Variants in CHCHD3 observed in about 807,000 individuals in gnomAD.
CHCHD3 encodes MICOS complex subunit MIC19.
In CHCHD3, 20 loss-of-function variants were observed where a neutral mutation model predicts 38.2. The observed-to-expected ratio is 0.52, with a 90% CI of 0.37 to 0.76. The LOEUF (loss-of-function observed/expected upper bound fraction) is 0.76. Among genes scored for constraint, CHCHD3 ranks in the 30% least tolerant of loss-of-function variants. The probability of loss-of-function intolerance (pLI) is 0.00; values close to 1 mark genes in which losing one functional copy is unlikely to be tolerated. For missense variants in CHCHD3, 245 were observed against 279.2 expected (o/e 0.88, Z 0.87); for synonymous variants, 82 against 100.0 (o/e 0.82, Z 1.07).
At chr7:132,981,419 T>C (rs895276943) in intron 3 of CHCHD3, among the ~76,000 whole-genome samples, 3 of 152,226 alleles carry the variant, frequency 2.0e-5, no homozygotes, top group African/African-American at 4.8e-5. Flanking sequence ...GAGTAAACTT[T>C]CCTATAGGAA....
intron 4 of CHCHD3, among the ~76,000 whole-genome samples, chr7:132,899,065 G>A (rs1208662310): frequency 6.6e-6 from 1 of 152,234 alleles, no homozygotes; most frequent in East Asian, 1.9e-4. Flanking sequence ...CAGTGCAGCG[G>A]TGGGCTGAAG....
rs1252863629 is a variant in CHCHD3 at position 133,081,852 on chromosome 7, C to G, written c.81+5G>C. On this transcript the variant is annotated splice_donor_5th_base_variant and intron_variant, in intron 1 of 7. Coordinates refer to ENST00000262570, the MANE Select transcript of CHCHD3 (RefSeq NM_017812.4). ...CTGGCCCTCCGCCCGTCCACGGGCA[C>G]TCACCCGGATGCCCTTCACCACGGT... 1 of 1,552,870 alleles carries G rather than the reference C, an allele frequency of 6.4e-7. No homozygotes were observed. The highest frequency in any genetic ancestry group is 1.4e-5 in the African/African-American group (1 of 73,258).
intron 5 of CHCHD3, chr7:132,845,150 T>C (rs182965391): frequency 8.1e-4 from 123 of 152,340 alleles, no homozygotes; most frequent in African/African-American, 2.8e-3. Context: ...CTGAGTAAGT[T>C]ACTTAACCTC....
chr7:132,796,630 A>G, intron 6 of CHCHD3, 53 bp from the exon 7 acceptor site: 1 of 1,547,164 alleles, frequency 6.5e-7, no homozygotes, highest in South Asian at 1.2e-5. Flanking sequence ...TCAGAATAAA[A>G]ATCAAGGTTA....
chr7:133,035,713 A>C lies in CHCHD3; in HGVS notation c.170-11086T>G. On this transcript the variant is annotated intron_variant, in intron 2 of 7. Transcript: ENST00000262570. This position sits in a 1 kb window ranked among gnomAD's most constrained non-coding sequence, Gnocchi z 4.7. ...TAGTAGGCAATGGCGTTGCTCTCAAACACACAGAATCCATCATCACCCTCA... is the reference window on the plus strand; with the variant it reads ...TAGTAGGCAATGGCGTTGCTCTCAACCACACAGAATCCATCATCACCCTCA... 1.9e-6 allele frequency: 3 copies of C among 1,613,406 alleles called. No homozygotes were observed. The highest frequency in any genetic ancestry group is 2.5e-6 in the Non-Finnish European group (3 of 1,179,434).
chr7:132,855,019 G>A lies in CHCHD3; in HGVS notation c.454-16550C>T, dbSNP rs374763687. On this transcript the variant is annotated intron_variant, in intron 5 of 7. Transcript: ENST00000262570. ...TTTTATGATAAAAACCAGCCAAGAA[G>A]GAAGTAAAGTTAGGGGCCACTATCT... 5.9e-5 allele frequency among the ~76,000 whole-genome samples: 9 copies of A among 152,168 alleles called. No homozygotes were observed. The East Asian group carries it at 1.3e-3, about 23-fold the overall frequency.
In CHCHD3 at chr7:132,818,415, C is replaced by T. The variant is rs577755292; in HGVS notation, c.524+19984G>A. On this transcript the variant is annotated intron_variant, in intron 6 of 7. Coordinates refer to ENST00000262570, the MANE Select transcript of CHCHD3 (RefSeq NM_017812.4). The stretch of plus-strand genomic sequence containing the variant: ...CAGAAAAAGGAATGGTTCTCTTATC[C>T]TTAAAGTACACAGGAATTTTCTCCT... Among the ~76,000 whole-genome samples, 6 of 152,284 alleles carry T rather than the reference C, an allele frequency of 3.9e-5. No individual in the cohort carries two copies. In the East Asian group the frequency reaches 7.7e-4, roughly 20 times the overall value.
At chr7:133,056,903 C>T (rs550370123) in intron 2 of CHCHD3, among the ~76,000 whole-genome samples, 1 of 152,252 alleles carries the variant, frequency 6.6e-6, no homozygotes, top group South Asian at 2.1e-4. Context: ...TATTAAATGG[C>T]AAAAGCCCTT....
Position 132,785,663 on chromosome 7 carries a change from G to T in CHCHD3, c.661-3C>A. 2 of 1,613,946 alleles carry T rather than the reference G, an allele frequency of 1.2e-6. No individual in the cohort carries two copies. Among genetic ancestry groups the T allele is most frequent in the African/African-American group, 1.3e-5 (1 of 75,012 alleles). ...TATCCTCCCTTCTCAAGCATGCTCT[G>T]CAAGAAAAACAGAAAGAGTAAGTTT... On this transcript the variant is annotated splice_region_variant and splice_polypyrimidine_tract_variant and intron_variant, in intron 7 of 7. Coordinates refer to ENST00000262570, the MANE Select transcript of CHCHD3 (RefSeq NM_017812.4).
intron 6 of CHCHD3, among the ~76,000 whole-genome samples, chr7:132,803,353 C>T (rs1050355981): frequency 6.6e-6 from 1 of 152,046 alleles, no homozygotes; most frequent in Non-Finnish European, 1.5e-5. Flanking sequence ...AGAAAAGCAT[C>T]GTTATTATTA....
At chr7:133,004,040 C>T (rs1812638902) in intron 3 of CHCHD3, among the ~76,000 whole-genome samples, 1 of 152,002 alleles carries the variant, frequency 6.6e-6, no homozygotes, top group Non-Finnish European at 1.5e-5. Flanking sequence ...TCACTGCAAC[C>T]TCCGCCGTGG....
chr7:132,912,065 G>A (rs562244241), intron 4 of CHCHD3, among the ~76,000 whole-genome samples: 1 of 152,202 alleles, frequency 6.6e-6, no homozygotes, highest in African/African-American at 2.4e-5. Flanking sequence ...TTCACCCTCT[G>A]TAAGCAACTA....
chr7:132,866,645 T>C (rs1808633064), intron 5 of CHCHD3, among the ~76,000 whole-genome samples: 2 of 152,228 alleles, frequency 1.3e-5, no homozygotes, highest in East Asian at 1.9e-4. Flanking sequence ...ATAAGGCTTA[T>C]TTACTATTCC....
chr7:132,984,487 C>G (rs1196687959), intron 3 of CHCHD3, among the ~76,000 whole-genome samples: 3 of 146,670 alleles, frequency 2.0e-5, no homozygotes, highest in Admixed American at 2.0e-4. Flanking sequence ...GCCGCCACCC[C>G]ATCTGGGAAG....
intron 4 of CHCHD3, among the ~76,000 whole-genome samples, chr7:132,934,352 T>C (rs1300356224): frequency 6.6e-6 from 1 of 152,172 alleles, no homozygotes; most frequent in African/African-American, 2.4e-5. Context: ...GGTCCTGGGC[T>C]CACACATTGA....
intron 3 of CHCHD3, among the ~76,000 whole-genome samples, chr7:132,999,042 G>C (rs1003839679): frequency 6.6e-6 from 1 of 152,078 alleles, no homozygotes; most frequent in Non-Finnish European, 1.5e-5. Flanking sequence ...TCATGCTTGA[G>C]CCCAGGAGGT....
intron 4 of CHCHD3, chr7:132,974,148 G>T: frequency 1.7e-6 from 1 of 583,320 alleles, no homozygotes; most frequent in Non-Finnish European, 2.6e-6. Flanking sequence ...TGTTCATGAG[G>T]CTTAACACCA....
chr7:132,972,712 T>A (rs933871907), intron 4 of CHCHD3: 2 of 985,334 alleles, frequency 2.0e-6, no homozygotes, highest in African/African-American at 3.5e-5. Context: ...GCTGTCATCC[T>A]ATGGCATAAA....
chr7:133,038,156 T>G (rs1453589342), intron 2 of CHCHD3, among the ~76,000 whole-genome samples: 2 of 152,106 alleles, frequency 1.3e-5, no homozygotes, highest in East Asian at 1.9e-4. Flanking sequence ...GAAAACAAAA[T>G]TGGTTCATGT....
Sources: allele counts gnomAD v4.1 joint callset (sites outside exome capture counted in the v4.1 genomes callset), GRCh38; gene constraint gnomAD v4.1.1; non-coding constraint Gnocchi (gnomAD v3.1); transcripts MANE v1.5; gene names NCBI Gene and HGNC (gene_info 2026-07-23, HGNC 2026-07-21).